The following IP6K3 variants were observed in gnomAD, a reference collection of about 807,000 sequenced individuals.
IP6K3 encodes the protein ATP:1D-myo-inositol-hexakisphosphate phosphotransferase.
In IP6K3, 20 loss-of-function variants were observed where a neutral mutation model predicts 28.8. The ratio of observed to expected loss-of-function variants is 0.70; its 90% CI spans 0.49 to 1.01. The LOEUF is 1.01. Ranked by LOEUF, IP6K3 falls within the 50% of genes least tolerant of loss-of-function variation. The pLI is 0.00. For synonymous variants in IP6K3, 213 were observed against 221.3 expected, an observed-to-expected ratio of 0.96 and a Z score of 0.33; for missense variants, 480 against 537.1, an observed-to-expected ratio of 0.89 and a Z score of 1.05.
At position 33,728,802 on chromosome 6, in the gene IP6K3, G is replaced by A. The variant is rs566181826; in HGVS notation, c.200-502C>T. Among the ~76,000 whole-genome samples, 13 of 152,148 alleles carry A rather than the reference G, an allele frequency of 8.5e-5. No individual in the cohort carries two copies. The East Asian group carries it at 1.6e-3, about 18-fold the overall frequency. On this transcript the variant is annotated intron_variant, in intron 2 of 5. Transcript: ENST00000293756. ...TGAGCACCCTTCTTCTCCCTCCCAC[G>A]TGTCTTTATCGGACCTGCTTCTTCC...
chr6:33,724,668 T>C (rs1365717981), intron 5 of IP6K3, among the ~76,000 whole-genome samples: 1 of 152,090 alleles, frequency 6.6e-6, no homozygotes, highest in East Asian at 1.9e-4. Context: ...AAATGGCTAA[T>C]AGAAATTTAA....
At chr6:33,733,444 C>T (rs1295413895) in intron 2 of IP6K3, among the ~76,000 whole-genome samples, 2 of 152,246 alleles carry the variant, frequency 1.3e-5, no homozygotes, top group African/African-American at 4.8e-5. Flanking sequence ...TGAGGACAGC[C>T]TCCTGAAGGC....
intron 2 of IP6K3, among the ~76,000 whole-genome samples, chr6:33,731,326 C>A (rs73743321): frequency 2.0e-3 from 297 of 152,296 alleles, no homozygotes; most frequent in Middle Eastern, 3.4e-3. Context: ...CTGCCAGAAA[C>A]CACAGTCTTG....
At chr6:33,747,123 C>A (rs1766939383), upstream of IP6K3, among the ~76,000 whole-genome samples, 1 of 152,170 alleles carries the variant, frequency 6.6e-6, no homozygotes, top group Non-Finnish European at 1.5e-5. This position sits in a 1 kb window ranked among gnomAD's most constrained non-coding sequence, Gnocchi z 5.2. Flanking sequence ...TTCAGCTCAG[C>A]TGCCCACGTA....
intron 1 of IP6K3, among the ~76,000 whole-genome samples, chr6:33,739,879 C>G (rs1427266673): frequency 6.6e-6 from 1 of 152,226 alleles, no homozygotes; most frequent in Non-Finnish European, 1.5e-5. Context: ...TGCTCTGAGG[C>G]TTGGCTTGTC....
the IP6K3 span, among the ~76,000 whole-genome samples, chr6:33,753,254 G>A: frequency 6.6e-6 from 1 of 152,152 alleles, no homozygotes. Flanking sequence ...GTCTCTGGAA[G>A]TGGAAATGAG....
chr6:33,735,305 T>C lies in IP6K3; in HGVS notation c.172A>G (p.Met58Val). ...TTGTACTGTGGGGTGAACCGCTTCATGGCCAGCGGCAGGGATTCATAGAAC... is the reference window on the plus strand; with the variant it reads ...TTGTACTGTGGGGTGAACCGCTTCACGGCCAGCGGCAGGGATTCATAGAAC... Reference protein sequence around the residue: ...QRFYESLPLAMKRFTPQYKGT... With the variant: ...QRFYESLPLAVKRFTPQYKGT... Residue 58 changes from methionine (M) to valine (V), a missense_variant, in exon 2 of 6, where the codon ATG becomes GTG. Physicochemically the swap from Met to Val is conservative, Grantham distance 21 (BLOSUM62 1). Coordinates refer to ENST00000293756, the MANE Select transcript of IP6K3 (RefSeq NM_054111.5). The C allele has an allele frequency of 6.2e-7, 1 of 1,612,040 alleles. No homozygotes were observed. Among genetic ancestry groups the C allele is most frequent in the Non-Finnish European group, 8.5e-7 (1 of 1,179,338 alleles).
At chr6:33,741,886 G>A (rs1465838080) in intron 1 of IP6K3, among the ~76,000 whole-genome samples, 1 of 151,946 alleles carries the variant, frequency 6.6e-6, no homozygotes, top group African/African-American at 2.4e-5. Context: ...GGGAGGCGGA[G>A]GTTGCGGTGA....
chr6:33,724,102 T>C (rs1298008147), intron 5 of IP6K3, among the ~76,000 whole-genome samples: 3 of 152,222 alleles, frequency 2.0e-5, no homozygotes, highest in Admixed American at 6.5e-5. Flanking sequence ...GATATGTTCA[T>C]AGAAAACCAG....
At chr6:33,745,728 G>T (rs1196287504) in intron 1 of IP6K3, among the ~76,000 whole-genome samples, 2 of 152,164 alleles carry the variant, frequency 1.3e-5, no homozygotes, top group African/African-American at 2.4e-5. Context: ...GACGCTCATG[G>T]GTAGTTGTTC....
intron 2 of IP6K3, 98 bp from the exon 3 acceptor site, chr6:33,728,398 C>T (rs1486757158): frequency 1.2e-5 from 13 of 1,054,954 alleles, no homozygotes; most frequent in Non-Finnish European, 1.9e-5. Flanking sequence ...AGCTTAATGG[C>T]CCTGGTCCAC....
At chr6:33,725,384 G>C (rs2127348417) in intron 5 of IP6K3, 57 bp downstream of exon 5, 2 of 1,514,716 alleles carry the variant, frequency 1.3e-6, no homozygotes, top group South Asian at 2.5e-5. Flanking sequence ...AGATATCCTT[G>C]CCCCACCGTG....
chr6:33,741,517 A>G lies in IP6K3; in HGVS notation c.-180+5241T>C, dbSNP rs111926141. On this transcript the variant is annotated intron_variant, in intron 1 of 5. Coordinates refer to ENST00000293756, the MANE Select transcript of IP6K3 (RefSeq NM_054111.5). ...AAAAAGTAGCCAGGTGTGGTGGCGCATGCCTGTAATCCCAGCTACTCGGGA... is the reference window on the plus strand; with the variant it reads ...AAAAAGTAGCCAGGTGTGGTGGCGCGTGCCTGTAATCCCAGCTACTCGGGA... 2.9e-3 allele frequency among the ~76,000 whole-genome samples: 443 copies of G among 152,054 alleles called. 3 individuals carry two copies. The highest frequency in any genetic ancestry group is 4.6e-3 in the Non-Finnish European group (312 of 67,958).
intron 4 of IP6K3, 101 bp downstream of exon 4, chr6:33,726,630 G>T: frequency 8.3e-7 from 1 of 1,208,496 alleles, no homozygotes; most frequent in Non-Finnish European, 1.1e-6. Context: ...ACCCTCCATT[G>T]GCCCCGTGTT....
intron 1 of IP6K3, among the ~76,000 whole-genome samples, chr6:33,739,968 T>G (rs1766660641): frequency 6.6e-6 from 1 of 152,228 alleles, no homozygotes; most frequent in Non-Finnish European, 1.5e-5. Context: ...TTCCAAGCAT[T>G]GCCACCACGC....
In IP6K3 at chr6:33,735,463, T is replaced by C. The variant is rs574159487; in HGVS notation, c.14A>G (p.Asn5Ser). The change falls in exon 2 of 6, where the codon AAC (asparagine) becomes AGC (serine). Residue 5 changes from asparagine (N) to serine (S), a missense_variant. Physicochemically the swap from Asn to Ser is conservative, Grantham distance 46 (BLOSUM62 1). Coordinates refer to ENST00000293756, the MANE Select transcript of IP6K3 (RefSeq NM_054111.5). MVVQ[N>S]SADAGDMRAG... ...CCTCATGTCCCCGGCGTCTGCGCTGTTTTGCACAACCATGGCGGCAGATGG... is the reference window on the plus strand; with the variant it reads ...CCTCATGTCCCCGGCGTCTGCGCTGCTTTGCACAACCATGGCGGCAGATGG... 39 of 1,609,952 alleles carry C rather than the reference T, an allele frequency of 2.4e-5. No homozygotes were observed. In the South Asian group the frequency reaches 4.3e-4, roughly 18 times the overall value.
upstream of IP6K3, among the ~76,000 whole-genome samples, chr6:33,747,524 G>T (rs1406680515): frequency 1.3e-5 from 2 of 152,182 alleles, no homozygotes; most frequent in Admixed American, 6.5e-5. This position sits in a 1 kb window ranked among gnomAD's most constrained non-coding sequence, Gnocchi z 5.2. Context: ...ACTTTGCAGA[G>T]AGTGAGGAGG....
At chr6:33,751,519 T>TGTGTGTGTG (rs36009611), upstream of IP6K3, among the ~76,000 whole-genome samples, 2 of 89,064 alleles carry the variant, frequency 2.2e-5, no homozygotes, top group Admixed American at 1.2e-4. This position sits in a 1 kb window ranked among gnomAD's most constrained non-coding sequence, Gnocchi z 4.3. Context: ...TGTGTGTGTG[T>TGTGTGTGTG]TTGGCCCCGG....
chr6:33,760,951 C>T, the IP6K3 span, among the ~76,000 whole-genome samples: 2 of 152,186 alleles, frequency 1.3e-5, no homozygotes. Flanking sequence ...GACTACGCAT[C>T]CTCTTCTCTC....
Sources: gnomAD v4.1 joint callset for allele counts (sites outside exome capture counted in the v4.1 genomes callset) on GRCh38, gnomAD v4.1.1 for gene constraint, Gnocchi (gnomAD v3.1) non-coding constraint, MANE v1.5 for transcripts, NCBI Gene and HGNC (gene_info 2026-07-23, HGNC 2026-07-21) for gene names.